Variants in FGGY observed in about 807,000 individuals in gnomAD.
FGGY encodes FGGY carbohydrate kinase domain containing.
In FGGY, 72 loss-of-function variants were observed where a neutral mutation model predicts 71.3. That is an observed-to-expected ratio of 1.01 (90% CI 0.84 to 1.23). The LOEUF (loss-of-function observed/expected upper bound fraction) is 1.23. FGGY is among the 50% of genes most tolerant of loss of function. FGGY has a pLI of 0.00. For synonymous variants in FGGY, 251 were observed against 250.3 expected (o/e 1.00, Z -0.02); for missense variants, 668 against 682.3 (o/e 0.98, Z 0.23).
intron 10 of FGGY, among the ~76,000 whole-genome samples, chr1:59,628,107 A>T (rs2096876436): frequency 6.6e-6 from 1 of 152,212 alleles, no homozygotes; most frequent in Non-Finnish European, 1.5e-5. Flanking sequence ...AACCCAGAGG[A>T]TTTCAGTACA....
chr1:59,358,801 C>A (rs1452238796), intron 4 of FGGY, among the ~76,000 whole-genome samples: 1 of 152,184 alleles, frequency 6.6e-6, no homozygotes, highest in Non-Finnish European at 1.5e-5. Flanking sequence ...ATGGCCAACA[C>A]CTGTACTAGA....
intron 12 of FGGY, among the ~76,000 whole-genome samples, chr1:59,664,139 A>T (rs1471685302): frequency 6.6e-6 from 1 of 152,232 alleles, no homozygotes; most frequent in Non-Finnish European, 1.5e-5. Context: ...TACTATTTGC[A>T]TTTGAAGTCT....
At chr1:59,733,733 T>C (rs2098071129) in intron 14 of FGGY, among the ~76,000 whole-genome samples, 1 of 152,214 alleles carries the variant, frequency 6.6e-6, no homozygotes, top group South Asian at 2.1e-4. Context: ...AATTAAGCCC[T>C]GTGAGATCTA....
intron 9 of FGGY, among the ~76,000 whole-genome samples, chr1:59,612,443 T>C (rs2096696052): frequency 6.6e-6 from 1 of 152,022 alleles, no homozygotes; most frequent in Non-Finnish European, 1.5e-5. Flanking sequence ...GACAAGCAAA[T>C]ACTGAGAGAT....
intron 14 of FGGY, among the ~76,000 whole-genome samples, chr1:59,681,338 C>T (rs1481379963): frequency 6.6e-6 from 1 of 152,056 alleles, no homozygotes; most frequent in Non-Finnish European, 1.5e-5. Context: ...TCTCTCTCAC[C>T]TCCCCCCACA....
At chr1:59,606,320 A>G (rs1467844645) in intron 8 of FGGY, among the ~76,000 whole-genome samples, 1 of 152,132 alleles carries the variant, frequency 6.6e-6, no homozygotes, top group Non-Finnish European at 1.5e-5. Context: ...CTAAGAAGCC[A>G]CCTCTGTACC....
chr1:59,608,548 C>T (rs899979716), intron 9 of FGGY, among the ~76,000 whole-genome samples: 1 of 152,110 alleles, frequency 6.6e-6, no homozygotes, highest in Non-Finnish European at 1.5e-5. Flanking sequence ...AAGACAAGGG[C>T]CATGCGGTAC....
intron 5 of FGGY, among the ~76,000 whole-genome samples, chr1:59,424,519 C>T (rs368902164): frequency 2.2e-4 from 33 of 152,170 alleles, no homozygotes; most frequent in Non-Finnish European, 2.9e-4. Flanking sequence ...TGCACTCCAG[C>T]CTGGCGACAG....
At chr1:59,360,219 G>C (rs1341486572) in intron 4 of FGGY, among the ~76,000 whole-genome samples, 1 of 151,584 alleles carries the variant, frequency 6.6e-6, no homozygotes, top group Non-Finnish European at 1.5e-5. Context: ...CTGGCATTTG[G>C]GAACAACTGG....
chr1:59,337,670 T>C (rs187448897), intron 2 of FGGY, among the ~76,000 whole-genome samples: 167 of 152,324 alleles, frequency 1.1e-3, no homozygotes, highest in Middle Eastern at 3.4e-3. Context: ...TAGTTGCTAT[T>C]AAGTAGAAAT....
chr1:59,532,825 G>T (rs1461606769), intron 7 of FGGY, among the ~76,000 whole-genome samples: 1 of 151,670 alleles, frequency 6.6e-6, no homozygotes, highest in African/African-American at 2.4e-5. Flanking sequence ...AAGAAAGAAA[G>T]CTAACATCAT....
chr1:59,489,547 TTTG>T (rs1379483672), intron 6 of FGGY, among the ~76,000 whole-genome samples: 2 of 152,112 alleles, frequency 1.3e-5, no homozygotes, highest in African/African-American at 4.8e-5. Flanking sequence ...ATGACAGGAT[TTTG>T]TTGTTTTTTT....
At chr1:59,616,130 T>C (rs1204913670) in intron 9 of FGGY, among the ~76,000 whole-genome samples, 1 of 152,178 alleles carries the variant, frequency 6.6e-6, no homozygotes, top group African/African-American at 2.4e-5. Flanking sequence ...GCCATCCCAT[T>C]ACTGGGTATA....
At chr1:59,582,299 A>T in intron 8 of FGGY, among the ~76,000 whole-genome samples, 1 of 150,060 alleles carries the variant, frequency 6.7e-6, no homozygotes, top group Non-Finnish European at 1.5e-5. Flanking sequence ...TCAGATGCAA[A>T]AATTGAGTCC....
chr1:59,649,038 T>A (rs2097129136), intron 11 of FGGY, among the ~76,000 whole-genome samples: 1 of 151,638 alleles, frequency 6.6e-6, no homozygotes, highest in African/African-American at 2.4e-5. Flanking sequence ...TTTCTCAGGT[T>A]TGTCAAAGAT....
At chr1:59,312,968 C>T (rs2044652501) in intron 1 of FGGY, among the ~76,000 whole-genome samples, 1 of 152,154 alleles carries the variant, frequency 6.6e-6, no homozygotes, top group Non-Finnish European at 1.5e-5. Flanking sequence ...AATACCATGT[C>T]CCTCTTCCAA....
intron 5 of FGGY, among the ~76,000 whole-genome samples, chr1:59,394,035 G>A (rs1011186622): frequency 4.6e-5 from 7 of 152,178 alleles, no homozygotes; most frequent in Middle Eastern, 3.2e-3. Flanking sequence ...AAAGGTCTGC[G>A]TAGTGTCTCT....
At chr1:59,595,956 C>A (rs991170771) in intron 8 of FGGY, among the ~76,000 whole-genome samples, 29 of 152,132 alleles carry the variant, frequency 1.9e-4, no homozygotes, top group Non-Finnish European at 3.5e-4. Context: ...CTGTTGCCTG[C>A]AGCTGAATAC....
chr1:59,372,999 C>T (rs959104553), intron 4 of FGGY, among the ~76,000 whole-genome samples: 2 of 152,100 alleles, frequency 1.3e-5, no homozygotes, highest in African/African-American at 2.4e-5. Flanking sequence ...AAAACTGGCA[C>T]AAGACAGGGA....
Sources: allele counts gnomAD v4.1 joint callset (sites outside exome capture counted in the v4.1 genomes callset), GRCh38; gene constraint gnomAD v4.1.1; transcripts MANE v1.5; gene names NCBI Gene and HGNC (gene_info 2026-07-23, HGNC 2026-07-21).